Variants in CACNB4 observed in about 807,000 individuals in gnomAD.
The protein encoded by CACNB4 is voltage-dependent L-type calcium channel subunit beta-4.
Under a neutral mutation model 71.2 loss-of-function variants are expected in CACNB4, and 32 were observed. The observed-to-expected ratio is 0.45, with a 90% CI of 0.34 to 0.60. The LOEUF is 0.60. Ranked by LOEUF, CACNB4 falls within the 20% of genes least tolerant of loss-of-function variation. The probability of loss-of-function intolerance (pLI) is 0.01; values close to 1 mark genes in which losing one functional copy is unlikely to be tolerated. For missense variants in CACNB4, 464 were observed against 647.9 expected (o/e 0.72, Z 3.08); for synonymous variants, 231 against 236.9 (o/e 0.97, Z 0.23).
At chr2:151,934,658 G>A (rs937463488) in intron 2 of CACNB4, among the ~76,000 whole-genome samples, 1 of 152,116 alleles carries the variant, frequency 6.6e-6, no homozygotes, top group African/African-American at 2.4e-5. Context: ...CCAACATGGT[G>A]AAACCCCGTC....
intron 2 of CACNB4, chr2:151,969,624 G>A (rs2099871996): frequency 6.6e-6 from 1 of 152,170 alleles, no homozygotes; most frequent in Non-Finnish European, 1.5e-5. Context: ...ATGAATGTAG[G>A]TGAAGGTACC....
At chr2:151,841,596 AG>A in intron 13 of CACNB4, 1 of 286,236 alleles carries the variant, frequency 3.5e-6, no homozygotes. Context: ...TCTAAAAAAA[AG>A]TAATGGGCAG....
At chr2:151,917,652 C>T (rs1338259108) in intron 2 of CACNB4, among the ~76,000 whole-genome samples, 1 of 151,920 alleles carries the variant, frequency 6.6e-6, no homozygotes, top group African/African-American at 2.4e-5. Flanking sequence ...GCCTGGCCAA[C>T]ATGGTGAAAC....
At chr2:151,955,517 C>A (rs2099868035) in intron 2 of CACNB4, among the ~76,000 whole-genome samples, 1 of 152,016 alleles carries the variant, frequency 6.6e-6, no homozygotes, top group African/African-American at 2.4e-5. Flanking sequence ...TGGCTAATGC[C>A]CAAGTGAATG....
chr2:151,912,869 A>T (rs2099856561), intron 2 of CACNB4, among the ~76,000 whole-genome samples: 1 of 151,784 alleles, frequency 6.6e-6, no homozygotes, highest in Admixed American at 6.6e-5. Context: ...GGGTGCATAT[A>T]TATTTAGAAT....
At chr2:151,873,621 G>A (rs2099845167) in intron 5 of CACNB4, 1 of 152,174 alleles carries the variant, frequency 6.6e-6, no homozygotes, top group African/African-American at 2.4e-5. Context: ...TGGCAGGAAA[G>A]GGGTCACTGA....
chr2:151,992,653 C>A (rs553511961), intron 2 of CACNB4, among the ~76,000 whole-genome samples: 1 of 152,166 alleles, frequency 6.6e-6, no homozygotes, highest in Non-Finnish European at 1.5e-5. Flanking sequence ...AACCAGCACC[C>A]GGGGGAGCAG....
intron 2 of CACNB4, among the ~76,000 whole-genome samples, chr2:152,059,452 G>A (rs989194550): frequency 2.0e-5 from 3 of 152,256 alleles, no homozygotes; most frequent in South Asian, 2.1e-4. Flanking sequence ...AGTCAAAGGA[G>A]ATCATTTTGG....
At chr2:151,993,563 C>CTTT in intron 2 of CACNB4, among the ~76,000 whole-genome samples, 1 of 116,672 alleles carries the variant, frequency 8.6e-6, no homozygotes, top group Admixed American at 8.6e-5. Flanking sequence ...TTGGGGAGCA[C>CTTT]TTTTTTTTTT....
chr2:151,927,472 T>C (rs1255536552), intron 2 of CACNB4, among the ~76,000 whole-genome samples: 3 of 152,280 alleles, frequency 2.0e-5, no homozygotes, highest in African/African-American at 4.8e-5. Flanking sequence ...ATTGCTCCCA[T>C]CTTCTCATTA....
intron 2 of CACNB4, among the ~76,000 whole-genome samples, chr2:152,037,705 T>C (rs921204310): frequency 3.3e-5 from 5 of 152,200 alleles, no homozygotes; most frequent in African/African-American, 1.2e-4. Flanking sequence ...CTTCTTTTCC[T>C]AAGGATGGGA....
chr2:152,085,813 T>TAA (rs765391237), intron 2 of CACNB4, among the ~76,000 whole-genome samples: 3 of 113,898 alleles, frequency 2.6e-5, no homozygotes, highest in Admixed American at 9.8e-5. Context: ...CTGCAGCCAT[T>TAA]AAAAAAAAAA....
intron 2 of CACNB4, among the ~76,000 whole-genome samples, chr2:151,953,487 C>A (rs114434064): frequency 6.6e-6 from 1 of 152,112 alleles, no homozygotes; most frequent in African/African-American, 2.4e-5. Flanking sequence ...TGACCCTGGA[C>A]GAATCATATG....
intron 2 of CACNB4, among the ~76,000 whole-genome samples, chr2:151,946,527 A>G (rs905242788): frequency 1.3e-5 from 2 of 152,178 alleles, no homozygotes; most frequent in African/African-American, 2.4e-5. Flanking sequence ...AGGCTGTTGG[A>G]TGCACTTTAA....
intron 2 of CACNB4, among the ~76,000 whole-genome samples, chr2:152,084,142 G>A (rs1172626422): frequency 1.3e-5 from 2 of 152,190 alleles, no homozygotes; most frequent in African/African-American, 4.8e-5. Context: ...TTTAGGTGCA[G>A]TTCGGGGCAG....
intron 2 of CACNB4, among the ~76,000 whole-genome samples, chr2:151,903,329 C>T (rs1410350683): frequency 6.6e-6 from 1 of 151,880 alleles, no homozygotes; most frequent in Non-Finnish European, 1.5e-5. Flanking sequence ...GCTTGGCCAA[C>T]ACAGCAAAAC....
At chr2:151,924,441 A>G (rs561200831) in intron 2 of CACNB4, among the ~76,000 whole-genome samples, 1 of 146,176 alleles carries the variant, frequency 6.8e-6, no homozygotes, top group East Asian at 1.9e-4. Context: ...TATTGCCACT[A>G]TATAATATAA....
intron 2 of CACNB4, among the ~76,000 whole-genome samples, chr2:151,994,289 GCATGAT>G (rs970164815): frequency 6.6e-6 from 1 of 151,388 alleles, no homozygotes; most frequent in Non-Finnish European, 1.5e-5. Flanking sequence ...GAGTGCAGTG[GCATGAT>G]CATGCTTTAC....
intron 2 of CACNB4, among the ~76,000 whole-genome samples, chr2:151,898,545 T>C (rs2099852632): frequency 6.6e-6 from 1 of 152,242 alleles, no homozygotes; most frequent in Admixed American, 6.5e-5. Context: ...ATGAGCTCTC[T>C]GGCCAAAGGA....
Sources: gnomAD v4.1 joint callset for allele counts (sites outside exome capture counted in the v4.1 genomes callset) on GRCh38, gnomAD v4.1.1 for gene constraint, MANE v1.5 for transcripts, NCBI Gene and HGNC (gene_info 2026-07-23, HGNC 2026-07-21) for gene names.